The following OR7A10 variants were observed in gnomAD, a reference collection of about 807,000 sequenced individuals.
OR7A10 encodes the protein olfactory receptor family 7 subfamily A member 10, also known as olfactory receptor 7A10.
For missense variants in OR7A10, 358 were observed against 370.1 expected (o/e 0.97, Z 0.27); for synonymous variants, 144 against 144.5 (o/e 1.00, Z 0.02).
At chr19:14,848,252 T>G (rs922388112) in intron 1 of OR7A10, among the ~76,000 whole-genome samples, 9 of 152,140 alleles carry the variant, frequency 5.9e-5, no homozygotes, top group African/African-American at 2.2e-4. Flanking sequence ...GACCCCACAT[T>G]TTCTCTTCTA....
intron 1 of OR7A10, among the ~76,000 whole-genome samples, chr19:14,847,757 G>A (rs1034377575): frequency 2.6e-5 from 4 of 151,170 alleles, no homozygotes; most frequent in African/African-American, 7.2e-5. Flanking sequence ...CTTGTGATCC[G>A]CCTACCTCGG....
At chr19:14,844,455 C>T (rs934579578) in intron 1 of OR7A10, among the ~76,000 whole-genome samples, 5 of 151,890 alleles carry the variant, frequency 3.3e-5, no homozygotes, top group Non-Finnish European at 7.4e-5. Flanking sequence ...TCCAGTGTAG[C>T]GAGAGAATGA....
intron 1 of OR7A10, among the ~76,000 whole-genome samples, chr19:14,843,780 A>G (rs555247532): frequency 2.6e-5 from 4 of 152,206 alleles, no homozygotes; most frequent in African/African-American, 9.6e-5. Context: ...GCTATAAAAC[A>G]GAAGTCCTTG....
chr19:14,842,997 AC>A (rs1244981216), intron 1 of OR7A10, among the ~76,000 whole-genome samples: 1 of 152,222 alleles, frequency 6.6e-6, no homozygotes, highest in Non-Finnish European at 1.5e-5. Flanking sequence ...CAAAAAACAA[AC>A]AACCCCATTA....
Position 14,841,651 on chromosome 19 carries a change from G to A in OR7A10, c.227C>T (p.Thr76Ile). The A allele has an allele frequency of 6.2e-7, 1 of 1,614,194 alleles. No individual in the cohort carries two copies. The highest frequency in any genetic ancestry group is 8.5e-7 in the Non-Finnish European group (1 of 1,180,032). The change falls in exon 2 of 2, where the codon ACC becomes ATC. Residue 76 changes from threonine (T) to isoleucine (I), a missense_variant. Thr to Ile is a moderately conservative substitution (Grantham distance 89). Transcript: ENST00000641129. ...LSFVDICFVSTTVPKMLVNIQ... is the reference protein window; with the variant it reads ...LSFVDICFVSITVPKMLVNIQ... ...GTTCACCAGCATCTTCGGGACAGTGGTAGAGACAAAACAGATGTCTACGAA... is the reference window on the plus strand; with the variant it reads ...GTTCACCAGCATCTTCGGGACAGTGATAGAGACAAAACAGATGTCTACGAA...
intron 1 of OR7A10, among the ~76,000 whole-genome samples, chr19:14,847,719 T>C (rs936052067): frequency 2.0e-5 from 3 of 151,770 alleles, no homozygotes; most frequent in Non-Finnish European, 2.9e-5. Flanking sequence ...TTTCACTGTG[T>C]TAGCTAGGAT....
At chr19:14,845,177 A>G (rs1370911571) in intron 1 of OR7A10, among the ~76,000 whole-genome samples, 1 of 151,368 alleles carries the variant, frequency 6.6e-6, no homozygotes, top group Admixed American at 6.6e-5. Flanking sequence ...TAGTCTCACT[A>G]TTAAGAAGGA....
At chr19:14,847,655 C>T (rs796202175) in intron 1 of OR7A10, among the ~76,000 whole-genome samples, 60 of 152,092 alleles carry the variant, frequency 3.9e-4, no homozygotes, top group African/African-American at 1.4e-3. Flanking sequence ...GGACTACAAG[C>T]GCCCGCCACC....
chr19:14,845,254 C>T (rs531608815), intron 1 of OR7A10, among the ~76,000 whole-genome samples: 9 of 151,438 alleles, frequency 5.9e-5, no homozygotes, highest in East Asian at 5.9e-4. Flanking sequence ...GCAGGCGGAC[C>T]GCCTGAGGTC....
chr19:14,841,600 G>C lies in OR7A10; in HGVS notation c.278C>G (p.Thr93Ser). The change falls in exon 2 of 2, where the codon ACC becomes AGC. Residue 93 changes from threonine to serine, a missense_variant. By Grantham distance (58) the Thr-to-Ser change is moderately conservative. Coordinates refer to ENST00000641129, the MANE Select transcript of OR7A10 (RefSeq NM_001005190.2). ...CATCTGGGTGATGCAGCCTGCATAG[G>C]TGATGACTTTGTTGTGTGTCTGGAT... ...VNIQTHNKVI[T>S]YAGCITQMCF... 1.2e-6 allele frequency: 2 copies of C among 1,614,192 alleles called. No homozygotes were observed. Among genetic ancestry groups the C allele is most frequent in the South Asian group, 1.1e-5 (1 of 91,080 alleles).
intron 1 of OR7A10, among the ~76,000 whole-genome samples, chr19:14,845,013 G>A (rs185928132): frequency 6.6e-6 from 1 of 151,076 alleles, no homozygotes; most frequent in South Asian, 2.1e-4. Context: ...ATTGGTCCCA[G>A]GTTCTTTTTC....
At chr19:14,846,352 T>G (rs568801679) in intron 1 of OR7A10, among the ~76,000 whole-genome samples, 28 of 152,128 alleles carry the variant, frequency 1.8e-4, no homozygotes, top group Non-Finnish European at 3.4e-4. Flanking sequence ...AACGAACTTA[T>G]ACAACAAGGA....
chr19:14,848,309 T>G (rs1246217132), intron 1 of OR7A10, among the ~76,000 whole-genome samples, 191 bp downstream of exon 1: 1 of 152,176 alleles, frequency 6.6e-6, no homozygotes, highest in Non-Finnish European at 1.5e-5. Context: ...TCATTCTCCA[T>G]TGCTGAGTTC....
At chr19:14,848,140 T>C (rs2044952168) in intron 1 of OR7A10, among the ~76,000 whole-genome samples, 1 of 150,900 alleles carries the variant, frequency 6.6e-6, no homozygotes. Flanking sequence ...AAAAATGCCC[T>C]CACTTCCTTT....
chr19:14,848,121 T>TA (rs34015234), intron 1 of OR7A10, among the ~76,000 whole-genome samples: 37,519 of 145,426 alleles, frequency 0.26, 5,929 homozygotes, highest in East Asian at 0.62. Flanking sequence ...AGACTCTGTC[T>TA]AAAAAAAAAA....
At position 14,840,481 on chromosome 19, in the gene OR7A10, T is replaced by C. The variant is rs1303607639; in HGVS notation, c.*467A>G. 1 of 155,528 alleles carries C rather than the reference T, an allele frequency of 6.4e-6. No individual in the cohort carries two copies. Among genetic ancestry groups the C allele is most frequent in the African/African-American group, 2.4e-5 (1 of 41,488 alleles). The allele number at this position is 155,528 out of a possible 1,614,324, so 9.6% of individuals were successfully genotyped here. A position where few individuals can be genotyped will look rare whatever the true frequency, so the allele number is the denominator to read the frequency against. On this transcript the variant is annotated 3_prime_UTR_variant, in exon 2 of 2. Transcript: ENST00000641129. ...AAAGTAAATACATATATTGTTCACT[T>C]GTCAACACTTTGATGCTTATGACAT... is the stretch of plus-strand genomic sequence containing the variant.
At position 14,840,852 on chromosome 19, in the gene OR7A10, C is replaced by A. The variant is rs374329606; in HGVS notation, c.*96G>T. On this transcript the variant is annotated 3_prime_UTR_variant, in exon 2 of 2. Coordinates refer to ENST00000641129, the MANE Select transcript of OR7A10 (RefSeq NM_001005190.2). ...AACTCCAGGAAATAAATGGAAGGGG[C>A]AAGTCTTCCTTCCACCATCTTATTA... The A allele has an allele frequency of 9.3e-5, 77 of 824,140 alleles. No homozygotes were observed. In the African/African-American group the frequency reaches 1.3e-3, roughly 14 times the overall value. The allele number at this position is 824,140 out of a possible 1,614,324, so 51.1% of individuals were successfully genotyped here. A position where few individuals can be genotyped will look rare whatever the true frequency, so the allele number is the denominator to read the frequency against.
Position 14,841,854 on chromosome 19 carries a change from T to C in OR7A10, c.24A>G (p.Ile8Met). 1 of 1,611,128 alleles carries C rather than the reference T, an allele frequency of 6.2e-7. No homozygotes were observed. The highest frequency in any genetic ancestry group is 8.5e-7 in the Non-Finnish European group (1 of 1,178,240). MKSWNNT[I>M]ILEFLLLGIS... Reference sequence around the variant, plus strand: ...TTCCCAGGAGAAGAAATTCTAAAATTATTGTATTGTTCCATGATTTCATCT... The same window carrying C: ...TTCCCAGGAGAAGAAATTCTAAAATCATTGTATTGTTCCATGATTTCATCT... The change falls in exon 2 of 2, where the codon ATA (isoleucine) becomes ATG (methionine). Residue 8 changes from isoleucine (I) to methionine (M), a missense_variant. Physicochemically the swap from Ile to Met is conservative, Grantham distance 10. Transcript: ENST00000641129.
At chr19:14,843,488 C>T (rs1343550654) in intron 1 of OR7A10, among the ~76,000 whole-genome samples, 1 of 152,170 alleles carries the variant, frequency 6.6e-6, no homozygotes, top group East Asian at 1.9e-4. Context: ...AGTTATTCCT[C>T]CTGTCTAACT....
Sources: gnomAD v4.1 joint callset for allele counts (sites outside exome capture counted in the v4.1 genomes callset) on GRCh38, gnomAD v4.1.1 for gene constraint, MANE v1.5 for transcripts, NCBI Gene and HGNC (gene_info 2026-07-23, HGNC 2026-07-21) for gene names.